PDE4B: variants seen among roughly 807,000 people sequenced by gnomAD.
PDE4B encodes 3',5'-cyclic-AMP phosphodiesterase 4B.
PDE4B carries 20 observed loss-of-function variants against 82.2 expected under a neutral mutation model. That is an observed-to-expected ratio of 0.24 (90% CI 0.17 to 0.35). PDE4B has a LOEUF of 0.35. Ranked by LOEUF, PDE4B falls within the 10% of genes least tolerant of loss-of-function variation. PDE4B has a pLI of 1.00. For synonymous variants in PDE4B, 320 were observed against 318.9 expected (o/e 1.00, Z -0.04); for missense variants, 655 against 907.2 (o/e 0.72, Z 3.57).
At chr1:66,195,188 C>T (rs924754712) in intron 3 of PDE4B, among the ~76,000 whole-genome samples, 1 of 152,054 alleles carries the variant, frequency 6.6e-6, no homozygotes, top group Non-Finnish European at 1.5e-5. Flanking sequence ...CAGATGTGAC[C>T]AAGGTGACCT....
intron 3 of PDE4B, among the ~76,000 whole-genome samples, chr1:66,133,317 C>G (rs973170708): frequency 6.6e-5 from 10 of 152,282 alleles, no homozygotes; most frequent in African/African-American, 2.4e-4. Flanking sequence ...CACCATCAAA[C>G]AAGTATCTGA....
chr1:65,977,812 G>C (rs1650487119), intron 3 of PDE4B, among the ~76,000 whole-genome samples: 1 of 152,146 alleles, frequency 6.6e-6, no homozygotes, highest in Non-Finnish European at 1.5e-5. Context: ...GTTTGGAGAA[G>C]TGCACAAATG....
rs139888902 is a variant in PDE4B at position 66,276,943 on chromosome 1, G to A, written c.634+10856G>A. Among the ~76,000 whole-genome samples, 475 of 152,218 alleles carry A rather than the reference G, an allele frequency of 3.1e-3. 1 individual carries two copies. The highest frequency in any genetic ancestry group is 0.011 in the African/African-American group (451 of 41,530). ...ATTTTACGTAAAGCATTTAGAACAC[G>A]CCTGGCACCCAGTAGTATTTAGTGT... On this transcript the variant is annotated intron_variant, in intron 7 of 16. Transcript: ENST00000341517.
intron 3 of PDE4B, among the ~76,000 whole-genome samples, chr1:66,095,268 T>C (rs1245345300): frequency 1.3e-5 from 2 of 151,944 alleles, no homozygotes; most frequent in Non-Finnish European, 2.9e-5. Flanking sequence ...AAATAACTTA[T>C]TTAAGTCTCA....
chr1:66,097,970 T>G (rs746423179), intron 3 of PDE4B, among the ~76,000 whole-genome samples: 6 of 152,030 alleles, frequency 3.9e-5, no homozygotes, highest in Non-Finnish European at 8.8e-5. Flanking sequence ...TAACCTTTAT[T>G]AGAATTGGCC....
In PDE4B at chr1:66,368,749, C is replaced by T. The variant is rs111897992; in HGVS notation, c.1663-38C>T. ...ATGAGATGTTCCGGCAGTATTTACA[C>T]CTAATTTTATGAGATTTCCAAAACT... On this transcript the variant is annotated intron_variant, in intron 15 of 16. Transcript: ENST00000341517. The T allele has an allele frequency of 3.7e-5, 54 of 1,466,984 alleles. No individual in the cohort carries two copies. The African/African-American group carries it at 4.9e-4, about 13-fold the overall frequency. 90.9% of individuals were successfully genotyped at this position (1,466,984 alleles called of 1,614,324 possible). A position where few individuals can be genotyped will look rare whatever the true frequency, so the allele number is the denominator to read the frequency against.
chr1:65,961,605 C>T (rs987335125), intron 3 of PDE4B, among the ~76,000 whole-genome samples: 2 of 152,138 alleles, frequency 1.3e-5, no homozygotes, highest in African/African-American at 4.8e-5. Context: ...CTCTAAATAG[C>T]TTTCCTAAGG....
chr1:65,851,267 A>C (rs761968006), intron 1 of PDE4B, among the ~76,000 whole-genome samples: 7 of 152,012 alleles, frequency 4.6e-5, no homozygotes, highest in Non-Finnish European at 7.4e-5. Flanking sequence ...CCCAATATGT[A>C]CTTTTTCAAA....
At chr1:66,040,047 C>A (rs987544650) in intron 3 of PDE4B, among the ~76,000 whole-genome samples, 3 of 151,948 alleles carry the variant, frequency 2.0e-5, no homozygotes, top group African/African-American at 7.2e-5. Flanking sequence ...CAAACTGGAA[C>A]CTTCATGATG....
chr1:66,269,838 A>T (rs1655334224), intron 7 of PDE4B, among the ~76,000 whole-genome samples: 1 of 152,212 alleles, frequency 6.6e-6, no homozygotes, highest in Admixed American at 6.5e-5. Context: ...CATCCTTTTA[A>T]TGGCTAGCAC....
intron 3 of PDE4B, among the ~76,000 whole-genome samples, chr1:66,023,956 G>GAA (rs781760203): frequency 6.6e-6 from 1 of 151,296 alleles, no homozygotes; most frequent in Non-Finnish European, 1.5e-5. Flanking sequence ...GAAAGAAAAA[G>GAA]AAAAAAAATA....
At chr1:65,918,531 A>C (rs1013136548) in intron 2 of PDE4B, 66 bp from the exon 3 acceptor site, 1 of 909,210 alleles carries the variant, frequency 1.1e-6, no homozygotes, top group African/African-American at 1.6e-5. Flanking sequence ...TTCTTCTTTC[A>C]CTCCATTTAA....
chr1:66,051,552 C>T (rs1167770102), intron 3 of PDE4B, among the ~76,000 whole-genome samples: 2 of 151,966 alleles, frequency 1.3e-5, no homozygotes, highest in African/African-American at 4.8e-5. Context: ...ATAATTTGTT[C>T]ATGTTTGAAG....
intron 7 of PDE4B, among the ~76,000 whole-genome samples, chr1:66,300,715 G>A (rs1232430646): frequency 6.6e-6 from 1 of 152,104 alleles, no homozygotes; most frequent in Non-Finnish European, 1.5e-5. Context: ...TCTTTACCCT[G>A]GCTTGTGTTT....
chr1:66,162,675 A>G (rs992083700), intron 3 of PDE4B, among the ~76,000 whole-genome samples: 1 of 152,152 alleles, frequency 6.6e-6, no homozygotes, highest in African/African-American at 2.4e-5. Context: ...CTGAAGCTCA[A>G]AATGCTCCAA....
At chr1:66,066,649 C>T (rs890151041) in intron 3 of PDE4B, among the ~76,000 whole-genome samples, 1 of 151,912 alleles carries the variant, frequency 6.6e-6, no homozygotes, top group Non-Finnish European at 1.5e-5. Flanking sequence ...TTTCTTCATT[C>T]TGGCTTAAAA....
rs2101539732 is a variant in PDE4B at position 66,202,561 on chromosome 1, T to A, written c.282-44899T>A. On this transcript the variant is annotated intron_variant, in intron 3 of 16. Transcript: ENST00000341517. ...TTGGGTGCATATATATTTAGGATAG[T>A]TAGCTCTTCTTGTTGAATTGATCCC... is the stretch of plus-strand genomic sequence containing the variant. Among the ~76,000 whole-genome samples the A allele has an allele frequency of 2.0e-5, 3 of 152,308 alleles. No homozygotes were observed. The South Asian group carries it at 6.2e-4, about 32-fold the overall frequency.
chr1:65,910,558 A>G (rs185200874), intron 1 of PDE4B, among the ~76,000 whole-genome samples: 1 of 152,264 alleles, frequency 6.6e-6, no homozygotes, highest in Non-Finnish European at 1.5e-5. Context: ...AGAGAGTTTA[A>G]TGGAGGTACT....
intron 8 of PDE4B, among the ~76,000 whole-genome samples, chr1:66,335,334 G>T (rs941400514): frequency 1.3e-5 from 2 of 152,232 alleles, no homozygotes; most frequent in African/African-American, 4.8e-5. Context: ...AGGTGAAATT[G>T]TGTTATGCTG....
Sources: allele counts gnomAD v4.1 joint callset (sites outside exome capture counted in the v4.1 genomes callset), GRCh38; gene constraint gnomAD v4.1.1; transcripts MANE v1.5; gene names NCBI Gene and HGNC (gene_info 2026-07-23, HGNC 2026-07-21).